The following ASXL3 variants were observed in gnomAD, a reference collection of about 807,000 sequenced individuals.
ASXL3 encodes putative Polycomb group protein ASXL3.
In ASXL3, 34 loss-of-function variants were observed where a neutral mutation model predicts 170.6. That is an observed-to-expected ratio of 0.20 (90% CI 0.15 to 0.27). The LOEUF is 0.27. Ranked by LOEUF, ASXL3 falls within the 10% of genes least tolerant of loss-of-function variation. The probability of loss-of-function intolerance (pLI) is 1.00; values close to 1 mark genes in which losing one functional copy is unlikely to be tolerated. For missense variants in ASXL3, 2,592 were observed against 2,695.3 expected (o/e 0.96, Z 0.85); for synonymous variants, 1,002 against 989.1 (o/e 1.01, Z -0.24).
rs753368206 is a variant in ASXL3 at position 33,742,968 on chromosome 18, C to G, written c.3120C>G (p.Ser1040Arg). 28 of 1,613,902 alleles carry G rather than the reference C, an allele frequency of 1.7e-5. No individual in the cohort carries two copies. The highest frequency in any genetic ancestry group is 2.2e-5 in the Non-Finnish European group (26 of 1,179,866). ...VSKPESRAST[S>R]TSVSGGRNTG... ...AACCTGAGTCTCGAGCATCCACTAG[C>G]ACATCTGTCAGTGGCGGGAGGAACA... is the stretch of plus-strand genomic sequence containing the variant. Residue 1040 changes from serine to arginine, a missense_variant, in exon 12 of 12, where the codon AGC (serine) becomes AGG (arginine). Physicochemically the swap from Ser to Arg is moderately radical, Grantham distance 110. This residue lies in a region of ASXL3 where 2,246 missense variants were observed against 2,219.6 expected (regional missense o/e 1.01). Coordinates refer to ENST00000269197, the MANE Select transcript of ASXL3 (RefSeq NM_030632.3).
intron 10 of ASXL3, among the ~76,000 whole-genome samples, chr18:33,737,756 A>C (rs1376961234): frequency 1.3e-5 from 2 of 152,150 alleles, no homozygotes; most frequent in East Asian, 3.8e-4. Context: ...ATGCCAAAAT[A>C]AGGTGATTGA....
At chr18:33,612,041 A>G (rs2065343029) in intron 2 of ASXL3, among the ~76,000 whole-genome samples, 1 of 152,112 alleles carries the variant, frequency 6.6e-6, no homozygotes, top group Non-Finnish European at 1.5e-5. Context: ...ACCATTCATC[A>G]GTGAGGAATA....
chr18:33,657,653 C>G (rs1210765432), intron 4 of ASXL3, among the ~76,000 whole-genome samples: 1 of 152,126 alleles, frequency 6.6e-6, no homozygotes, highest in Non-Finnish European at 1.5e-5. Flanking sequence ...GAGCAGTCAC[C>G]AGTTCTCTAG....
intron 1 of ASXL3, among the ~76,000 whole-genome samples, chr18:33,591,020 C>T (rs1463270309): frequency 6.6e-6 from 1 of 152,170 alleles, no homozygotes; most frequent in Non-Finnish European, 1.5e-5. Flanking sequence ...TATTAACTTA[C>T]CGAAGAGAAC....
chr18:33,658,468 A>G (rs2145226438), intron 4 of ASXL3, among the ~76,000 whole-genome samples: 1 of 152,276 alleles, frequency 6.6e-6, no homozygotes, highest in East Asian at 1.9e-4. Flanking sequence ...TCAAATGCCC[A>G]TGAAAAAAGG....
chr18:33,677,587 AAGAT>A (rs2066448559), intron 7 of ASXL3, among the ~76,000 whole-genome samples: 1 of 152,344 alleles, frequency 6.6e-6, no homozygotes, highest in Admixed American at 6.5e-5. Flanking sequence ...GTATTATAAA[AAGAT>A]AGGGACATAA....
chr18:33,595,710 C>G (rs1242315287), intron 1 of ASXL3, among the ~76,000 whole-genome samples: 1 of 152,182 alleles, frequency 6.6e-6, no homozygotes, highest in East Asian at 1.9e-4. Flanking sequence ...TCCAGCAAAT[C>G]TCAGGCTCTC....
chr18:33,716,976 A>G (rs1261946218), intron 8 of ASXL3, among the ~76,000 whole-genome samples: 4 of 151,162 alleles, frequency 2.6e-5, no homozygotes, highest in Admixed American at 1.3e-4. Context: ...TTTGTTATAT[A>G]TTTCTAGGGT....
chr18:33,667,978 T>A (rs922726112), intron 5 of ASXL3, among the ~76,000 whole-genome samples: 1 of 152,198 alleles, frequency 6.6e-6, no homozygotes, highest in African/African-American at 2.4e-5. Flanking sequence ...TAAGGTAAAC[T>A]CTGCTAACCA....
chr18:33,670,047 C>T (rs753537086), intron 5 of ASXL3, among the ~76,000 whole-genome samples: 6 of 152,110 alleles, frequency 3.9e-5, no homozygotes, highest in Non-Finnish European at 8.8e-5. Context: ...CTGTCATGTT[C>T]GTGTTCTGAA....
At chr18:33,717,375 C>A (rs2067181894) in intron 8 of ASXL3, among the ~76,000 whole-genome samples, 1 of 152,080 alleles carries the variant, frequency 6.6e-6, no homozygotes. Flanking sequence ...ACAAGCTAAG[C>A]ACTTAGTATT....
intron 2 of ASXL3, chr18:33,609,066 G>A: frequency 1.0e-6 from 1 of 985,018 alleles, no homozygotes; most frequent in Non-Finnish European, 1.2e-6. Context: ...GGAGGCAGCA[G>A]TGGATAGATT....
intron 1 of ASXL3, among the ~76,000 whole-genome samples, chr18:33,602,430 AT>A (rs1344061549): frequency 6.6e-6 from 1 of 152,038 alleles, no homozygotes; most frequent in East Asian, 1.9e-4. Flanking sequence ...AATACTGGGT[AT>A]TTGCTGAGGT....
chr18:33,594,610 C>T (rs1354511820), intron 1 of ASXL3, among the ~76,000 whole-genome samples: 1 of 152,112 alleles, frequency 6.6e-6, no homozygotes. Context: ...TCCTCTAGCA[C>T]ATAGTTTAAG....
At chr18:33,683,222 A>T (rs1426284049) in intron 7 of ASXL3, among the ~76,000 whole-genome samples, 183 bp from the exon 8 acceptor site, 1 of 152,242 alleles carries the variant, frequency 6.6e-6, no homozygotes, top group East Asian at 1.9e-4. Context: ...GAAGACAGAC[A>T]GACACATAAT....
At chr18:33,673,821 G>A (rs2066385824) in intron 7 of ASXL3, among the ~76,000 whole-genome samples, 1 of 152,170 alleles carries the variant, frequency 6.6e-6, no homozygotes, top group African/African-American at 2.4e-5. Flanking sequence ...TACCTTATGT[G>A]TTAAATATCG....
intron 4 of ASXL3, among the ~76,000 whole-genome samples, chr18:33,653,990 G>A (rs1184145540): frequency 6.6e-6 from 1 of 151,438 alleles, no homozygotes; most frequent in South Asian, 2.1e-4. Context: ...TTATCTTTTA[G>A]AGACCTCTTT....
Position 33,739,236 on chromosome 18 carries a change from C to T in ASXL3, c.1832C>T (p.Thr611Met), listed in dbSNP as rs781769831. Residue 611 changes from threonine (T) to methionine (M), a missense_variant, in exon 11 of 12, where the codon ACG becomes ATG. By Grantham distance (81) the Thr-to-Met change is moderately conservative. This residue lies in a region of ASXL3 where 2,246 missense variants were observed against 2,219.6 expected (regional missense o/e 1.01). Transcript: ENST00000269197. ...QLSENACISE[T>M]SFSSESPEGA... ...TCAGAAAATGCCTGCATCTCTGAAACGTCCTTTTCTTCTGAGAGCCCAGAG... is the reference window on the plus strand; with the variant it reads ...TCAGAAAATGCCTGCATCTCTGAAATGTCCTTTTCTTCTGAGAGCCCAGAG... The T allele has an allele frequency of 3.2e-5, 51 of 1,613,720 alleles. No homozygotes were observed. The highest frequency in any genetic ancestry group is 4.5e-5 in the East Asian group (2 of 44,886).
At chr18:33,613,120 T>C (rs2065363817) in intron 2 of ASXL3, among the ~76,000 whole-genome samples, 1 of 152,144 alleles carries the variant, frequency 6.6e-6, no homozygotes, top group Non-Finnish European at 1.5e-5. Context: ...TAGTTCTTAG[T>C]TGACATAAAA....
Sources: allele counts gnomAD v4.1 joint callset (sites outside exome capture counted in the v4.1 genomes callset), GRCh38; gene constraint gnomAD v4.1.1; regional missense constraint gnomAD v4.1.1; transcripts MANE v1.5; gene names NCBI Gene and HGNC (gene_info 2026-07-23, HGNC 2026-07-21).